MED12L: variants seen among roughly 807,000 people sequenced by gnomAD.
The protein encoded by MED12L is mediator complex subunit 12L.
In MED12L, 60 loss-of-function variants were observed where a neutral mutation model predicts 281.3. That is an observed-to-expected ratio of 0.21 (90% CI 0.17 to 0.26). The LOEUF (loss-of-function observed/expected upper bound fraction) is 0.26. Ranked by LOEUF, MED12L falls within the 10% of genes least tolerant of loss-of-function variation. MED12L has a pLI of 1.00. For missense variants in MED12L, 2,146 were observed against 2,680.9 expected (o/e 0.80, Z 4.41); for synonymous variants, 974 against 987.2 (o/e 0.99, Z 0.25).
chr3:151,210,278 G>A (rs1214586666), intron 16 of MED12L, among the ~76,000 whole-genome samples: 2 of 152,234 alleles, frequency 1.3e-5, no homozygotes, highest in Non-Finnish European at 2.9e-5. Context: ...GATGGGGTCA[G>A]CTGCATATGA....
chr3:151,218,084 G>A (rs1369441137), intron 16 of MED12L, among the ~76,000 whole-genome samples: 1 of 152,166 alleles, frequency 6.6e-6, no homozygotes, highest in Non-Finnish European at 1.5e-5. Flanking sequence ...ATGATTTAAT[G>A]TCCTCATACA....
chr3:151,257,047 C>T (rs537469497), intron 16 of MED12L, among the ~76,000 whole-genome samples: 8 of 151,880 alleles, frequency 5.3e-5, no homozygotes, highest in South Asian at 2.1e-4. Flanking sequence ...AAAAGCAGCA[C>T]GATACAGCTG....
intron 39 of MED12L, among the ~76,000 whole-genome samples, chr3:151,399,580 T>A (rs557426313): frequency 3.3e-5 from 5 of 152,342 alleles, no homozygotes; most frequent in African/African-American, 1.2e-4. Flanking sequence ...AGAGACTTAT[T>A]CCAATCTCAG....
intron 16 of MED12L, among the ~76,000 whole-genome samples, chr3:151,215,023 G>A (rs994853449): frequency 1.8e-4 from 27 of 151,848 alleles, no homozygotes; most frequent in African/African-American, 6.5e-4. Flanking sequence ...CATATATGTT[G>A]GACATGAAGA....
rs1393505810 is a variant in MED12L at position 151,188,412 on chromosome 3, C to T, written c.1685C>T (p.Ala562Val). Reference protein sequence around the residue: ...EKESISSSSLAGSSLPVFQNV... With the variant: ...EKESISSSSLVGSSLPVFQNV... ...GAGTCTATTTCTTCATCCTCTCTTGCTGGATCCAGTTTGCCTGTTTTCCAG... is the reference window on the plus strand; with the variant it reads ...GAGTCTATTTCTTCATCCTCTCTTGTTGGATCCAGTTTGCCTGTTTTCCAG... Residue 562 changes from alanine to valine, a missense_variant, in exon 13 of 45, where the codon GCT (alanine) becomes GTT (valine). By Grantham distance (64) the Ala-to-Val change is moderately conservative (BLOSUM62 0). Transcript: ENST00000687756. 6.2e-7 allele frequency: 1 copy of T among 1,611,918 alleles called. No individual in the cohort carries two copies.
At chr3:151,232,987 ATTC>A (rs1008485250) in intron 16 of MED12L, among the ~76,000 whole-genome samples, 1 of 152,160 alleles carries the variant, frequency 6.6e-6, no homozygotes, top group African/African-American at 2.4e-5. Flanking sequence ...CCTTTCAAAT[ATTC>A]TTCTAACAGC....
chr3:151,336,380 T>G (rs753686410), intron 16 of MED12L: 5 of 385,592 alleles, frequency 1.3e-5, no homozygotes, highest in Non-Finnish European at 2.6e-5. Flanking sequence ...GTTAAATGAG[T>G]TCAGCTTCGT....
Position 151,188,388 on chromosome 3 carries a change from A to C in MED12L, c.1661A>C (p.Glu554Ala). Reference sequence around the variant, plus strand: ...GAATCAGAAGTCTTAGATGAGAAGGAGTCTATTTCTTCATCCTCTCTTGCT... The same window carrying C: ...GAATCAGAAGTCTTAGATGAGAAGGCGTCTATTTCTTCATCCTCTCTTGCT... ...CGESEVLDEK[E>A]SISSSSLAGS... The change falls in exon 13 of 45, where the codon GAG (glutamate) becomes GCG (alanine). Residue 554 changes from glutamate to alanine, a missense_variant. By Grantham distance (107) the Glu-to-Ala change is moderately radical (BLOSUM62 -1). Transcript: ENST00000687756. 1.9e-6 allele frequency: 3 copies of C among 1,609,674 alleles called. No homozygotes were observed. Among genetic ancestry groups the C allele is most frequent in the Non-Finnish European group, 2.6e-6 (3 of 1,176,142 alleles).
chr3:151,424,620 C>CA (rs11430981), intron 43 of MED12L, among the ~76,000 whole-genome samples: 69,264 of 146,630 alleles, frequency 0.47, 16,530 homozygotes, highest in Middle Eastern at 0.58. Flanking sequence ...AACTCTGTCT[C>CA]AAAAAAAACA....
At chr3:151,405,946 T>G (rs1243871050) in intron 39 of MED12L, among the ~76,000 whole-genome samples, 1 of 152,242 alleles carries the variant, frequency 6.6e-6, no homozygotes, top group Non-Finnish European at 1.5e-5. Context: ...GATTTCTTGG[T>G]TAACAGATAA....
chr3:151,295,360 A>T, intron 16 of MED12L: 1 of 601,390 alleles, frequency 1.7e-6, no homozygotes, highest in South Asian at 2.1e-5. Flanking sequence ...CACATTGTTA[A>T]TGTTTTGAGT....
At chr3:151,129,223 G>A (rs1714983850) in intron 5 of MED12L, among the ~76,000 whole-genome samples, 1 of 152,156 alleles carries the variant, frequency 6.6e-6, no homozygotes, top group South Asian at 2.1e-4. Flanking sequence ...TAAAGTGGTG[G>A]GGAGTGGTGT....
intron 11 of MED12L, among the ~76,000 whole-genome samples, chr3:151,170,496 G>A (rs534687425): frequency 6.6e-6 from 1 of 151,958 alleles, no homozygotes; most frequent in South Asian, 2.1e-4. Context: ...GGCTGTTCTT[G>A]AACTCTTGAC....
At chr3:151,142,394 C>T (rs1235638732) in intron 5 of MED12L, among the ~76,000 whole-genome samples, 2 of 152,106 alleles carry the variant, frequency 1.3e-5, no homozygotes, top group African/African-American at 4.8e-5. Context: ...TTGCTTAAAG[C>T]ATAAACAAGA....
At chr3:151,411,579 G>C in intron 41 of MED12L, 72 bp downstream of exon 41, 1 of 1,320,216 alleles carries the variant, frequency 7.6e-7, no homozygotes, top group South Asian at 1.2e-5. Context: ...TTCTTATAGG[G>C]CATGGTACTT....
intron 16 of MED12L, among the ~76,000 whole-genome samples, chr3:151,298,784 C>T (rs1745465288): frequency 6.6e-6 from 1 of 152,054 alleles, no homozygotes; most frequent in African/African-American, 2.4e-5. Context: ...ATAGCACAAA[C>T]CACATGTGGC....
At chr3:151,253,662 G>T (rs754750734) in intron 16 of MED12L, among the ~76,000 whole-genome samples, 3 of 152,050 alleles carry the variant, frequency 2.0e-5, no homozygotes, top group Admixed American at 1.3e-4. Flanking sequence ...TTTGTGAGGG[G>T]GTGGGTGGGT....
intron 16 of MED12L, among the ~76,000 whole-genome samples, chr3:151,341,816 GA>G (rs1028827228): frequency 2.0e-5 from 3 of 151,474 alleles, no homozygotes; most frequent in African/African-American, 7.3e-5. Flanking sequence ...CTATGAGTGA[GA>G]ATATGTGGTG....
At chr3:151,184,276 G>A (rs1347576200) in intron 11 of MED12L, among the ~76,000 whole-genome samples, 1 of 152,154 alleles carries the variant, frequency 6.6e-6, no homozygotes, top group Admixed American at 6.5e-5. Context: ...TGGGATTCTT[G>A]GATGGCTTTT....
Sources: gnomAD v4.1 joint callset for allele counts (sites outside exome capture counted in the v4.1 genomes callset) on GRCh38, gnomAD v4.1.1 for gene constraint, MANE v1.5 for transcripts, NCBI Gene and HGNC (gene_info 2026-07-23, HGNC 2026-07-21) for gene names.